SEC63: variants seen among roughly 807,000 people sequenced by gnomAD.
The protein encoded by SEC63 is SEC63 protein translocation regulator, also known as translocation protein SEC63 homolog.
Under a neutral mutation model 116.2 loss-of-function variants are expected in SEC63, and 56 were observed. The observed-to-expected ratio is 0.48, with a 90% CI of 0.39 to 0.60. SEC63 has a LOEUF of 0.60. Among genes scored for constraint, SEC63 ranks in the 20% least tolerant of loss-of-function variants. The pLI, the probability that SEC63 is intolerant of heterozygous loss-of-function variation, is 0.00. For synonymous variants in SEC63, 273 were observed against 294.6 expected (o/e 0.93, Z 0.75); for missense variants, 668 against 900.0 (o/e 0.74, Z 3.30).
chr6:107,898,945 G>C lies in SEC63; in HGVS notation c.1358-1214C>G, dbSNP rs847114. 2.6e-3 allele frequency among the ~76,000 whole-genome samples: 390 copies of C among 152,316 alleles called. 4 individuals carry two copies. The highest frequency in any genetic ancestry group is 8.8e-3 in the African/African-American group (364 of 41,564). On this transcript the variant is annotated intron_variant, in intron 13 of 20. Coordinates refer to ENST00000369002, the MANE Select transcript of SEC63 (RefSeq NM_007214.5). ...CCATTACCCGCTACAAGGTGCAGCA[G>C]CTGGGTATCAACAAAGGGTATGGTA...
At chr6:107,889,732 C>T (rs186141772) in intron 16 of SEC63, among the ~76,000 whole-genome samples, 1 of 152,188 alleles carries the variant, frequency 6.6e-6, no homozygotes, top group Non-Finnish European at 1.5e-5. Flanking sequence ...ATATAAATTT[C>T]CCTCTACACA....
At chr6:107,945,305 C>CTT (rs59290085) in intron 1 of SEC63, among the ~76,000 whole-genome samples, 2,970 of 138,302 alleles carry the variant, frequency 0.021, 138 homozygotes, top group African/African-American at 0.077. Flanking sequence ...TCTTTCTTTT[C>CTT]TTTTTTTTTT....
chr6:107,916,834 C>T (rs1787416084), intron 4 of SEC63, among the ~76,000 whole-genome samples: 1 of 152,188 alleles, frequency 6.6e-6, no homozygotes, highest in Admixed American at 6.5e-5. Flanking sequence ...CACTCACTGG[C>T]CATTCCCCCA....
In SEC63 at chr6:107,871,713, ATCT is replaced by A. The variant is rs756440665; in HGVS notation, c.2271_2273del (p.Glu757del). 1.6e-5 allele frequency: 25 copies of A among 1,612,434 alleles called. No homozygotes were observed. Among genetic ancestry groups the A allele is most frequent in the African/African-American group, 2.7e-5 (2 of 74,884 alleles). ...CCATTCAGAGTACTGCTTAGTCATCATCTTCTTCTTCCTCCTCTTCTTCCTCAA... is the reference window on the plus strand; with the variant it reads ...CCATTCAGAGTACTGCTTAGTCATCATCTTCTTCCTCCTCTTCTTCCTCAA... On this transcript the variant is annotated inframe_deletion, in exon 21 of 21. Transcript: ENST00000369002.
At chr6:107,908,086 A>G (rs1204793697) in intron 8 of SEC63, among the ~76,000 whole-genome samples, 1 of 152,268 alleles carries the variant, frequency 6.6e-6, no homozygotes, top group Non-Finnish European at 1.5e-5. Context: ...ACACAGTCAT[A>G]TATGACCATG....
chr6:107,900,516 T>C (rs913366923), intron 13 of SEC63, among the ~76,000 whole-genome samples: 1 of 152,038 alleles, frequency 6.6e-6, no homozygotes, highest in Non-Finnish European at 1.5e-5. Context: ...GGTATGGTAG[T>C]GTGCACCTGT....
intron 16 of SEC63, among the ~76,000 whole-genome samples, chr6:107,887,712 AC>A (rs1186353867): frequency 2.0e-5 from 3 of 152,194 alleles, no homozygotes; most frequent in Non-Finnish European, 4.4e-5. Context: ...ACTAACCCGC[AC>A]AATGTGCACA....
At chr6:107,951,834 G>A (rs889299152) in intron 1 of SEC63, among the ~76,000 whole-genome samples, 15 of 152,046 alleles carry the variant, frequency 9.9e-5, no homozygotes, top group Admixed American at 7.9e-4. Flanking sequence ...TTAGCCAGGC[G>A]TGGTGGTGGG....
At chr6:107,920,009 C>T (rs1385951781) in intron 4 of SEC63, among the ~76,000 whole-genome samples, 2 of 152,054 alleles carry the variant, frequency 1.3e-5, no homozygotes, top group Non-Finnish European at 2.9e-5. Context: ...CAGTCAACAG[C>T]CATCAACATC....
chr6:107,954,464 T>TAAAAAAAAAAAAAAAAACAAAA (rs796251218), intron 1 of SEC63: 3 of 61,696 alleles, frequency 4.9e-5, no homozygotes, highest in Admixed American at 1.9e-4. Flanking sequence ...AATGATCAAT[T>TAAAAAAAAAAAAAAAAACAAAA]AAAAAAAAAA....
At chr6:107,896,332 C>T (rs1259517805) in intron 14 of SEC63, among the ~76,000 whole-genome samples, 1 of 151,924 alleles carries the variant, frequency 6.6e-6, no homozygotes, top group African/African-American at 2.4e-5. Flanking sequence ...GGCGTGGTGG[C>T]ACATGCCTGT....
At chr6:107,904,383 C>G (rs1212969882) in intron 11 of SEC63, among the ~76,000 whole-genome samples, 2 of 150,930 alleles carry the variant, frequency 1.3e-5, no homozygotes, top group Non-Finnish European at 2.9e-5. Context: ...GCACTCCAGC[C>G]TGGGCGACAA....
chr6:107,872,433 G>A (rs938905846), intron 20 of SEC63, among the ~76,000 whole-genome samples: 1 of 151,888 alleles, frequency 6.6e-6, no homozygotes. Flanking sequence ...TTACAGAAGT[G>A]TATGCTCTAA....
At chr6:107,923,566 C>T (rs1787604239) in intron 3 of SEC63, among the ~76,000 whole-genome samples, 1 of 152,174 alleles carries the variant, frequency 6.6e-6, no homozygotes, top group South Asian at 2.1e-4. Flanking sequence ...CACTCTGCTG[C>T]CCAGGCTAGA....
chr6:107,904,401 C>T (rs1787090635), intron 11 of SEC63, among the ~76,000 whole-genome samples: 2 of 150,074 alleles, frequency 1.3e-5, no homozygotes, highest in African/African-American at 4.9e-5. Context: ...CAAAGCAAGA[C>T]TCCATCTCAA....
chr6:107,947,002 T>C (rs536395551), intron 1 of SEC63, among the ~76,000 whole-genome samples: 1 of 152,200 alleles, frequency 6.6e-6, no homozygotes, highest in Admixed American at 6.5e-5. Context: ...AGACTCTGTC[T>C]CAAACCAAAC....
At chr6:107,948,366 T>A (rs1734912578) in intron 1 of SEC63, among the ~76,000 whole-genome samples, 1 of 152,174 alleles carries the variant, frequency 6.6e-6, no homozygotes, top group Admixed American at 6.5e-5. Context: ...GGTAACCTCC[T>A]CTAGGACGCA....
intron 8 of SEC63, among the ~76,000 whole-genome samples, chr6:107,907,107 G>A (rs745873243): frequency 3.3e-5 from 5 of 152,156 alleles, no homozygotes; most frequent in South Asian, 2.1e-4. Flanking sequence ...AATAATTCAC[G>A]TGAAAAAAGG....
At chr6:107,944,221 T>C (rs1020537355) in intron 1 of SEC63, among the ~76,000 whole-genome samples, 1 of 152,244 alleles carries the variant, frequency 6.6e-6, no homozygotes, top group Admixed American at 6.5e-5. Flanking sequence ...ACTTCTTTCC[T>C]GAACAGCTGA....
Sources: allele counts gnomAD v4.1 joint callset (sites outside exome capture counted in the v4.1 genomes callset), GRCh38; gene constraint gnomAD v4.1.1; transcripts MANE v1.5; gene names NCBI Gene and HGNC (gene_info 2026-07-23, HGNC 2026-07-21).